ALPL: variants seen among roughly 807,000 people sequenced by gnomAD.
The protein encoded by ALPL is alkaline phosphatase, tissue-nonspecific isozyme.
A neutral mutation model predicts 51.3 loss-of-function variants in ALPL; 42 were observed. The observed-to-expected ratio is 0.82, with a 90% CI of 0.64 to 1.06. The LOEUF (loss-of-function observed/expected upper bound fraction) is 1.06. Ranked by LOEUF, ALPL falls within the 50% of genes least tolerant of loss-of-function variation. The pLI, the probability that ALPL is intolerant of heterozygous loss-of-function variation, is 0.00. For synonymous variants in ALPL, 279 were observed against 296.4 expected (o/e 0.94, Z 0.60); for missense variants, 589 against 709.4 (o/e 0.83, Z 1.93).
intron 1 of ALPL, among the ~76,000 whole-genome samples, chr1:21,519,661 G>T (rs954195503): frequency 6.6e-6 from 1 of 152,214 alleles, no homozygotes; most frequent in African/African-American, 2.4e-5. Context: ...GCTGGGCGTG[G>T]TGGTGTATGC....
chr1:21,561,350 C>T, intron 4 of ALPL, 138 bp downstream of exon 4: 1 of 743,772 alleles, frequency 1.3e-6, no homozygotes, highest in Non-Finnish European at 2.4e-6. Flanking sequence ...CTGGAGCAGC[C>T]ACTGCCCTGA....
chr1:21,550,393 CA>C (rs1644305501), intron 1 of ALPL, among the ~76,000 whole-genome samples: 1 of 152,108 alleles, frequency 6.6e-6, no homozygotes, highest in Non-Finnish European at 1.5e-5. Context: ...TTGGTTTTCT[CA>C]TCTGTAAAAG....
At chr1:21,527,015 GTTCTTTTCTT>G (rs57296888) in intron 1 of ALPL, among the ~76,000 whole-genome samples, 61,354 of 140,560 alleles carry the variant, frequency 0.44, 15,063 homozygotes, top group East Asian at 0.83. Flanking sequence ...TGTTATTCTT[GTTCTTTTCTT>G]TTCTTTTCTT....
At chr1:21,554,806 TGTCTGTCTGTCTTTC>T (rs1558543821) in intron 2 of ALPL, among the ~76,000 whole-genome samples, 1 of 16,234 alleles carries the variant, frequency 6.2e-5, no homozygotes, top group African/African-American at 2.1e-4. Context: ...TCTGTCTGTC[TGTCTGTCTGTCTTTC>T]TTTCTTTCTT....
intron 2 of ALPL, among the ~76,000 whole-genome samples, chr1:21,557,478 T>G (rs1237834837): frequency 6.6e-6 from 1 of 152,132 alleles, no homozygotes; most frequent in Non-Finnish European, 1.5e-5. Context: ...TGGGACGGGG[T>G]CCCTGCCTTC....
At chr1:21,574,286 C>A in intron 9 of ALPL, 2 of 802,508 alleles carry the variant, frequency 2.5e-6, no homozygotes, top group South Asian at 5.7e-5. Flanking sequence ...TATGTGAAGC[C>A]AAAAATAGCA....
intron 8 of ALPL, among the ~76,000 whole-genome samples, chr1:21,571,242 T>C (rs1037999656): frequency 6.6e-6 from 1 of 152,184 alleles, no homozygotes; most frequent in Non-Finnish European, 1.5e-5. Flanking sequence ...TCCTCTTCTA[T>C]AAAGTAGGGA....
chr1:21,531,317 G>A (rs1211947525), intron 1 of ALPL, among the ~76,000 whole-genome samples: 2 of 152,062 alleles, frequency 1.3e-5, no homozygotes, highest in Non-Finnish European at 2.9e-5. Context: ...CTGTCTCAAG[G>A]TCCTGGGCTC....
intron 4 of ALPL, among the ~76,000 whole-genome samples, chr1:21,562,045 TAC>T (rs1054415305): frequency 3.7e-4 from 57 of 152,196 alleles, no homozygotes; most frequent in African/African-American, 1.3e-3. Context: ...ACTATAGGCA[TAC>T]CTCAGCTATA....
chr1:21,522,563 C>A (rs1643894784), intron 1 of ALPL, among the ~76,000 whole-genome samples: 1 of 152,182 alleles, frequency 6.6e-6, no homozygotes, highest in South Asian at 2.1e-4. Context: ...ATATGGGAAC[C>A]ACCTCCCCTA....
chr1:21,576,484 G>C, intron 10 of ALPL, 38 bp from the exon 11 acceptor site: 1 of 1,610,158 alleles, frequency 6.2e-7, no homozygotes, highest in South Asian at 1.1e-5. Context: ...TACTCCTGGG[G>C]CCCCAGCATG....
intron 5 of ALPL, among the ~76,000 whole-genome samples, chr1:21,563,702 T>G (rs1644520342): frequency 6.6e-6 from 1 of 152,022 alleles, no homozygotes; most frequent in African/African-American, 2.4e-5. Context: ...AAAACACAGG[T>G]GACAAGGCCA....
At chr1:21,512,700 G>A (rs575932324) in intron 1 of ALPL, among the ~76,000 whole-genome samples, 52 of 152,052 alleles carry the variant, frequency 3.4e-4, no homozygotes, top group Non-Finnish European at 7.2e-4. Context: ...CATAGTCTCC[G>A]TATTTTTCTG....
chr1:21,528,890 C>A (rs1017310015), intron 1 of ALPL, among the ~76,000 whole-genome samples: 1 of 151,144 alleles, frequency 6.6e-6, no homozygotes, highest in Non-Finnish European at 1.5e-5. Context: ...GTCAACATGG[C>A]GAAACCCCGT....
chr1:21,517,498 G>GT (rs113269463), intron 1 of ALPL, among the ~76,000 whole-genome samples: 18,857 of 152,182 alleles, frequency 0.12, 1,304 homozygotes, highest in African/African-American at 0.16. Context: ...TGACATGGGG[G>GT]TGGGAGGCCC....
intron 1 of ALPL, among the ~76,000 whole-genome samples, chr1:21,523,235 G>T (rs1643901436): frequency 6.6e-6 from 1 of 152,184 alleles, no homozygotes; most frequent in Admixed American, 6.5e-5. Flanking sequence ...GGAGGCGGAG[G>T]TTGCAGCCAG....
intron 6 of ALPL, among the ~76,000 whole-genome samples, chr1:21,567,104 C>T (rs921990382): frequency 1.1e-4 from 16 of 152,152 alleles, no homozygotes; most frequent in Non-Finnish European, 2.4e-4. Context: ...TCCACAAAAC[C>T]TAGGATCTAA....
At chr1:21,547,395 T>A (rs1189014417) in intron 1 of ALPL, among the ~76,000 whole-genome samples, 2 of 152,128 alleles carry the variant, frequency 1.3e-5, no homozygotes, top group Admixed American at 6.5e-5. Context: ...GGGCCCTCTT[T>A]GCCCCAAGAT....
At chr1:21,524,940 G>C (rs959083722) in intron 1 of ALPL, among the ~76,000 whole-genome samples, 6 of 152,204 alleles carry the variant, frequency 3.9e-5, no homozygotes, top group African/African-American at 1.4e-4. Context: ...CCTGGCTGAG[G>C]CCTCTGCTAA....
Sources: allele counts gnomAD v4.1 joint callset (sites outside exome capture counted in the v4.1 genomes callset), GRCh38; gene constraint gnomAD v4.1.1; transcripts MANE v1.5; gene names NCBI Gene and HGNC (gene_info 2026-07-23, HGNC 2026-07-21).